CD6: variants seen among roughly 807,000 people sequenced by gnomAD.
CD6 encodes the protein CD6 molecule.
CD6 carries 53 observed loss-of-function variants against 75.3 expected under a neutral mutation model. The ratio of observed to expected loss-of-function variants is 0.70; its 90% CI spans 0.56 to 0.88. The LOEUF is 0.88. Among genes scored for constraint, CD6 ranks in the 40% least tolerant of loss-of-function variants. The pLI is 0.00. For synonymous variants in CD6, 359 were observed against 381.5 expected, an observed-to-expected ratio of 0.94 and a Z score of 0.69; for missense variants, 770 against 897.1, an observed-to-expected ratio of 0.86 and a Z score of 1.81.
intron 1 of CD6, among the ~76,000 whole-genome samples, chr11:60,988,636 CTG>C (rs992109133): frequency 5.9e-5 from 9 of 152,190 alleles, no homozygotes; most frequent in African/African-American, 2.2e-4. Flanking sequence ...TCTGGAGAGG[CTG>C]TGTTTCCTTC....
chr11:60,978,763 A>G (rs910798931), intron 1 of CD6, among the ~76,000 whole-genome samples: 7 of 152,198 alleles, frequency 4.6e-5, no homozygotes, highest in African/African-American at 1.7e-4. Flanking sequence ...AGTCAGGCAG[A>G]CGCGGGTTCT....
intron 7 of CD6, 70 bp downstream of exon 7, chr11:61,013,633 G>A: frequency 1.3e-6 from 2 of 1,561,234 alleles, no homozygotes; most frequent in South Asian, 1.1e-5. Flanking sequence ...CCCAGCAGCA[G>A]TGGCGTGGTC....
chr11:61,008,035 GT>G, intron 3 of CD6, 125 bp downstream of exon 3: 1 of 551,254 alleles, frequency 1.8e-6, no homozygotes, highest in Non-Finnish European at 2.8e-6. Context: ...CCGCCTACCA[GT>G]GCAAACGCAC....
chr11:61,007,604 A>G lies in CD6; in HGVS notation c.163A>G (p.Ser55Gly), dbSNP rs1031422326. Residue 55 changes from serine to glycine, a missense_variant, in exon 3 of 13, where the codon AGC (serine) becomes GGC (glycine). Physicochemically the swap from Ser to Gly is moderately conservative, Grantham distance 56. Coordinates refer to ENST00000313421, the MANE Select transcript of CD6 (RefSeq NM_006725.5). The surrounding 1 kb of genome is among the most constrained non-coding windows in gnomAD (Gnocchi z 4.2). ...VRLTNGSSSC[S>G]GTVEVRLEAS... ...TCTGACAAACGGGAGCAGCAGCTGCAGCGGGACGGTGGAGGTGCGGCTCGA... is the reference window on the plus strand; with the variant it reads ...TCTGACAAACGGGAGCAGCAGCTGCGGCGGGACGGTGGAGGTGCGGCTCGA... The G allele has an allele frequency of 1.3e-6, 2 of 1,504,080 alleles. No individual in the cohort carries two copies. The allele number at this position is 1,504,080 out of a possible 1,614,324, so 93.2% of individuals were successfully genotyped here.
chr11:60,986,703 CT>C (rs1225354749), intron 1 of CD6, among the ~76,000 whole-genome samples: 1 of 152,194 alleles, frequency 6.6e-6, no homozygotes, highest in Non-Finnish European at 1.5e-5. Context: ...CTCAACGCCC[CT>C]AATCCAGAAT....
chr11:60,979,239 T>A (rs1487291694), intron 1 of CD6, among the ~76,000 whole-genome samples: 1 of 152,144 alleles, frequency 6.6e-6, no homozygotes, highest in Non-Finnish European at 1.5e-5. Flanking sequence ...CACCACTGAA[T>A]CTAGGAACAG....
At chr11:60,994,339 G>T (rs999962303) in intron 1 of CD6, among the ~76,000 whole-genome samples, 1 of 150,810 alleles carries the variant, frequency 6.6e-6, no homozygotes, top group Non-Finnish European at 1.5e-5. Flanking sequence ...TACTCAGGAG[G>T]CTGAGGCAGG....
chr11:61,003,171 G>T (rs1858677032), intron 1 of CD6, among the ~76,000 whole-genome samples: 1 of 152,114 alleles, frequency 6.6e-6, no homozygotes, highest in Non-Finnish European at 1.5e-5. Flanking sequence ...CACCATGTTG[G>T]CCAGGCTGGT....
rs376920970 is a variant in CD6 at position 61,013,927 on chromosome 11, G to A, written c.1300G>A (p.Val434Ile). ...LRIKGKYALP[V>I]MVNHQHLPTT... ...TGCCTCCCCTCCCTCAGCCCTCCCC[G>A]TAATGGTGAACCACCAGCACCTACC... The change falls in exon 8 of 13, where the codon GTA becomes ATA. Residue 434 changes from valine to isoleucine, a missense_variant. Physicochemically the swap from Val to Ile is conservative, Grantham distance 29. Coordinates refer to ENST00000313421, the MANE Select transcript of CD6 (RefSeq NM_006725.5). The A allele has an allele frequency of 8.8e-5, 141 of 1,610,812 alleles. No individual in the cohort carries two copies. The highest frequency in any genetic ancestry group is 1.7e-4 in the African/African-American group (13 of 74,836).
chr11:61,012,557 ACT>A (rs973193955), intron 6 of CD6, among the ~76,000 whole-genome samples: 29 of 151,902 alleles, frequency 1.9e-4, no homozygotes, highest in Non-Finnish European at 3.1e-4. Context: ...GGGGAAGCAG[ACT>A]CTGCCCCCAG....
rs747085155 is a variant in CD6 at position 61,013,945 on chromosome 11, C to G, written c.1318C>G (p.His440Asp). The change falls in exon 8 of 13, where the codon CAC (histidine) becomes GAC (aspartate). Residue 440 changes from histidine to aspartate, a missense_variant. By Grantham distance (81) the His-to-Asp change is moderately conservative. Transcript: ENST00000313421. ...YALPVMVNHQ[H>D]LPTTIPAGSN... ...CCTCCCCGTAATGGTGAACCACCAG[C>G]ACCTACCCACCACCATCCCGGCAGG... 2.5e-6 allele frequency: 4 copies of G among 1,613,288 alleles called. No homozygotes were observed. The African/African-American group carries it at 5.3e-5, about 22-fold the overall frequency.
chr11:61,009,260 G>A (rs1010995772), intron 4 of CD6, among the ~76,000 whole-genome samples: 4 of 152,196 alleles, frequency 2.6e-5, no homozygotes, highest in Admixed American at 2.6e-4. Flanking sequence ...TTGATAAGCA[G>A]GAGATGGGGG....
chr11:61,013,892 G>A, intron 7 of CD6, 27 bp from the exon 8 acceptor site: 2 of 1,535,394 alleles, frequency 1.3e-6, no homozygotes, highest in Non-Finnish European at 1.8e-6. Context: ...AAAATGACTT[G>A]TAGAATTTCT....
chr11:61,017,717 T>C, intron 10 of CD6, 42 bp from the exon 11 acceptor site: 1 of 1,612,776 alleles, frequency 6.2e-7, no homozygotes, highest in Non-Finnish European at 8.5e-7. Context: ...GCCCTCTTGC[T>C]GCACTGCTTC....
At chr11:60,994,240 C>T (rs895157667) in intron 1 of CD6, among the ~76,000 whole-genome samples, 2 of 151,856 alleles carry the variant, frequency 1.3e-5, no homozygotes, top group Admixed American at 1.3e-4. Flanking sequence ...TAGGAGTTTG[C>T]GACCAGCCTG....
At chr11:60,982,161 G>A (rs879642428) in intron 1 of CD6, among the ~76,000 whole-genome samples, 2 of 11,714 alleles carry the variant, frequency 1.7e-4, no homozygotes, top group African/African-American at 2.5e-4. Flanking sequence ...GTCATGTGGG[G>A]ACACAGGCTG....
chr11:60,992,505 C>G (rs1394544379), intron 1 of CD6, among the ~76,000 whole-genome samples: 1 of 151,988 alleles, frequency 6.6e-6, no homozygotes, highest in Non-Finnish European at 1.5e-5. Context: ...TTTTTCCCAA[C>G]CAAGACCTAC....
At position 61,017,749 on chromosome 11, in the gene CD6, C is replaced by T. The variant is rs780594021; in HGVS notation, c.1583-10C>T. ...CTTCTTTCGTCACCATTCTCCCTTTCCTGCCTTAGGACTTGAAGAGTTGCA... is the reference window on the plus strand; with the variant it reads ...CTTCTTTCGTCACCATTCTCCCTTTTCTGCCTTAGGACTTGAAGAGTTGCA... On this transcript the variant is annotated splice_polypyrimidine_tract_variant and intron_variant, in intron 10 of 12. Transcript: ENST00000313421. The T allele has an allele frequency of 6.2e-7, 1 of 1,614,006 alleles. No individual in the cohort carries two copies. Among genetic ancestry groups the T allele is most frequent in the Non-Finnish European group, 8.5e-7 (1 of 1,179,932 alleles).
chr11:61,008,381 A>C, intron 3 of CD6, 153 bp from the exon 4 acceptor site: 1 of 712,482 alleles, frequency 1.4e-6, no homozygotes, highest in Non-Finnish European at 2.2e-6. Context: ...ACCCATCTGC[A>C]GTCCTGGGGG....
Sources: gnomAD v4.1 joint callset for allele counts (sites outside exome capture counted in the v4.1 genomes callset) on GRCh38, gnomAD v4.1.1 for gene constraint, Gnocchi (gnomAD v3.1) non-coding constraint, MANE v1.5 for transcripts, NCBI Gene and HGNC (gene_info 2026-07-23, HGNC 2026-07-21) for gene names.